ZNF654: variants seen among roughly 807,000 people sequenced by gnomAD.
The protein encoded by ZNF654 is zinc finger protein 654, also known as melanoma-associated antigen.
In ZNF654, 19 loss-of-function variants were observed where a neutral mutation model predicts 95.3. That is an observed-to-expected ratio of 0.20 (90% CI 0.14 to 0.29). The LOEUF (loss-of-function observed/expected upper bound fraction) is 0.29. ZNF654 is among the 10% of genes least tolerant of loss of function. The pLI, the probability that ZNF654 is intolerant of heterozygous loss-of-function variation, is 1.00. For missense variants in ZNF654, 1,046 were observed against 1,341.0 expected (o/e 0.78, Z 3.44); for synonymous variants, 413 against 457.9 (o/e 0.90, Z 1.25).
rs1316151880 is a variant in ZNF654 at position 88,106,072 on chromosome 3, C to T, written c.333-7043C>T. 8.5e-5 allele frequency among the ~76,000 whole-genome samples: 13 copies of T among 152,296 alleles called. No individual in the cohort carries two copies. The South Asian group carries it at 2.7e-3, about 32-fold the overall frequency. On this transcript the variant is annotated intron_variant, in intron 2 of 8. Coordinates refer to ENST00000636215, the MANE Select transcript of ZNF654 (RefSeq NM_001350134.2). ...AGAAGGGCCTCACCAGACACCAAAC[C>T]TGTTGGCGCTCTGATGAGCTGCCAG...
chr3:88,103,096 C>T (rs897791256), intron 2 of ZNF654, among the ~76,000 whole-genome samples: 28 of 152,018 alleles, frequency 1.8e-4, no homozygotes, highest in Non-Finnish European at 2.4e-4. Flanking sequence ...TCTGTTCATG[C>T]GTTAATTCAC....
chr3:88,139,086 T>C lies in ZNF654; in HGVS notation c.1417T>C (p.Phe473Leu). 1 of 1,263,784 alleles carries C rather than the reference T, an allele frequency of 7.9e-7. No homozygotes were observed. The highest frequency in any genetic ancestry group is 9.9e-7 in the Non-Finnish European group (1 of 1,006,434). 78.3% of individuals were successfully genotyped at this position (1,263,784 alleles called of 1,614,324 possible). ...ATTGAGTGATAAATCAGCAGTTAGA[T>C]TTCTAAATGAAAGCACACTGGAAAA... ...ALLSDKSAVRFLNESTLENNA... is the reference protein window; with the variant it reads ...ALLSDKSAVRLLNESTLENNA... Residue 473 changes from phenylalanine (F) to leucine (L), a missense_variant, in exon 8 of 9, where the codon TTT (phenylalanine) becomes CTT (leucine). By Grantham distance (22) the Phe-to-Leu change is conservative (BLOSUM62 0). Around this residue, in one of 9 missense-constraint regions of ZNF654, gnomAD observed 100 missense variants for 108.9 expected, o/e 0.92. Transcript: ENST00000636215.
intron 1 of ZNF654, among the ~76,000 whole-genome samples, chr3:88,076,801 C>T (rs1401170818): frequency 6.6e-6 from 1 of 152,112 alleles, no homozygotes; most frequent in Non-Finnish European, 1.5e-5. Flanking sequence ...TGGCAGGGAT[C>T]TAAATTCATC....
chr3:88,066,011 G>C (rs1463232044), intron 1 of ZNF654, among the ~76,000 whole-genome samples: 1 of 152,154 alleles, frequency 6.6e-6, no homozygotes, highest in Non-Finnish European at 1.5e-5. Context: ...TAGGATTACA[G>C]GCATGAGCTA....
intron 2 of ZNF654, among the ~76,000 whole-genome samples, chr3:88,108,282 A>G: frequency 6.6e-6 from 1 of 152,132 alleles, no homozygotes; most frequent in East Asian, 1.9e-4. Flanking sequence ...GTGGGGAAGA[A>G]TATACTGGTG....
In ZNF654 at chr3:88,144,306, A is replaced by G. The variant is rs1707256224; in HGVS notation, c.*2654A>G. 6.6e-6 allele frequency: 1 copy of G among 152,328 alleles called. No homozygotes were observed. Among genetic ancestry groups the G allele is most frequent in the Non-Finnish European group, 1.5e-5 (1 of 67,822 alleles). 9.4% of individuals were successfully genotyped at this position (152,328 alleles called of 1,614,324 possible). On this transcript the variant is annotated 3_prime_UTR_variant, in exon 9 of 9. Transcript: ENST00000636215. ...TTGTGATTCTTTTCAAATCACACTG[A>G]AGGTTCAGCCGTACTCCTTTCATGT...
intron 3 of ZNF654, among the ~76,000 whole-genome samples, chr3:88,114,183 AT>A (rs1705256201): frequency 6.6e-6 from 1 of 152,172 alleles, no homozygotes; most frequent in African/African-American, 2.4e-5. Context: ...TCAAACCTTT[AT>A]AAATGAAAAA....
At position 88,059,295 on chromosome 3, in the gene ZNF654, G is replaced by T. The variant is rs761216108; in HGVS notation, c.-25G>T. ...GGCGGCGGCGGCGGCGCAGGGGCTG[G>T]TACGCGCTGGGCGGCGAGAGCCTCA... is the stretch of plus-strand genomic sequence containing the variant. On this transcript the variant is annotated 5_prime_UTR_variant, in exon 1 of 9. Transcript: ENST00000636215. 2.6e-6 allele frequency: 4 copies of T among 1,533,506 alleles called. No homozygotes were observed. The South Asian group carries it at 4.8e-5, about 18-fold the overall frequency. The allele number at this position is 1,533,506 out of a possible 1,614,324, so 95.0% of individuals were successfully genotyped here. A position where few individuals can be genotyped will look rare whatever the true frequency, so the allele number is the denominator to read the frequency against.
At chr3:88,101,842 A>G (rs1466091184) in intron 2 of ZNF654, among the ~76,000 whole-genome samples, 1 of 152,136 alleles carries the variant, frequency 6.6e-6, no homozygotes, top group African/African-American at 2.4e-5. Context: ...CTTTTTCATA[A>G]TAGCCATTTT....
intron 6 of ZNF654, among the ~76,000 whole-genome samples, chr3:88,131,047 T>G (rs1706427842): frequency 6.6e-6 from 1 of 152,170 alleles, no homozygotes; most frequent in South Asian, 2.1e-4. Context: ...GGCAGTTTCC[T>G]TGTGTGAATA....
chr3:88,080,150 A>G (rs925813460), intron 1 of ZNF654, among the ~76,000 whole-genome samples: 5 of 152,062 alleles, frequency 3.3e-5, no homozygotes, highest in Non-Finnish European at 7.4e-5. Context: ...TAGGATATGC[A>G]TTGTTTGTCA....
intron 3 of ZNF654, among the ~76,000 whole-genome samples, chr3:88,125,840 T>G (rs981486945): frequency 1.3e-5 from 2 of 152,148 alleles, no homozygotes; most frequent in Non-Finnish European, 2.9e-5. Context: ...TAAGTTTCAG[T>G]TTTTTGCAAC....
At chr3:88,113,023 T>A in intron 2 of ZNF654, 92 bp from the exon 3 acceptor site, 1 of 776,102 alleles carries the variant, frequency 1.3e-6, no homozygotes, top group South Asian at 2.1e-5. Flanking sequence ...TTAAGTCAAA[T>A]ATTGATATTA....
Position 88,142,957 on chromosome 3 carries a change from T to C in ZNF654, c.*1305T>C, listed in dbSNP as rs1351528045. The C allele has an allele frequency of 6.6e-6, 1 of 152,292 alleles. No homozygotes were observed. Among genetic ancestry groups the C allele is most frequent in the Non-Finnish European group, 1.5e-5 (1 of 67,790 alleles). 9.4% of individuals were successfully genotyped at this position (152,292 alleles called of 1,614,324 possible). ...CATTTGTCCATTATTGAAAGGAAGA[T>C]GCTTAAAGACTTCCTTTTACTAATA... On this transcript the variant is annotated 3_prime_UTR_variant, in exon 9 of 9. Transcript: ENST00000636215.
intron 1 of ZNF654, among the ~76,000 whole-genome samples, chr3:88,082,307 A>T (rs1708119609): frequency 6.6e-6 from 1 of 152,102 alleles, no homozygotes; most frequent in Non-Finnish European, 1.5e-5. Flanking sequence ...TTATATTTTT[A>T]GTAGTGACAG....
At chr3:88,096,565 C>A (rs537639556) in intron 2 of ZNF654, among the ~76,000 whole-genome samples, 1 of 152,214 alleles carries the variant, frequency 6.6e-6, no homozygotes, top group East Asian at 1.9e-4. Flanking sequence ...TTTAGATTGG[C>A]AATTTTTTTC....
intron 3 of ZNF654, among the ~76,000 whole-genome samples, chr3:88,114,495 G>A (rs562074858): frequency 2.0e-5 from 3 of 152,042 alleles, no homozygotes; most frequent in South Asian, 4.2e-4. Flanking sequence ...AAAAGTTAGC[G>A]GTTTTGCATA....
intron 3 of ZNF654, among the ~76,000 whole-genome samples, chr3:88,117,334 G>GA (rs1705472221): frequency 6.6e-6 from 1 of 151,998 alleles, no homozygotes; most frequent in South Asian, 2.1e-4. Flanking sequence ...TCCCACAAAG[G>GA]AAAAAATCAA....
intron 2 of ZNF654, 47 bp downstream of exon 2, chr3:88,086,449 T>C: frequency 7.3e-7 from 1 of 1,366,520 alleles, no homozygotes; most frequent in East Asian, 2.6e-5. Flanking sequence ...TCTTGATGTG[T>C]TTGAGAATTT....
Sources: gnomAD v4.1 joint callset for allele counts (sites outside exome capture counted in the v4.1 genomes callset) on GRCh38, gnomAD v4.1.1 for gene constraint, gnomAD v4.1.1 regional missense constraint, MANE v1.5 for transcripts, NCBI Gene and HGNC (gene_info 2026-07-23, HGNC 2026-07-21) for gene names.